The following KCNH5 variants were observed in gnomAD, a reference collection of about 807,000 sequenced individuals.
KCNH5 encodes the protein potassium voltage-gated channel subfamily H member 5, also known as voltage-gated delayed rectifier potassium channel KCNH5.
KCNH5 carries 46 observed loss-of-function variants against 96.1 expected under a neutral mutation model. The observed-to-expected ratio is 0.48, with a 90% CI of 0.38 to 0.61. The LOEUF (loss-of-function observed/expected upper bound fraction) is 0.61. KCNH5 is among the 20% of genes least tolerant of loss of function. The pLI, the probability that KCNH5 is intolerant of heterozygous loss-of-function variation, is 0.00. For synonymous variants in KCNH5, 439 were observed against 449.8 expected (o/e 0.98, Z 0.30); for missense variants, 907 against 1,225.8 (o/e 0.74, Z 3.88).
intron 8 of KCNH5, among the ~76,000 whole-genome samples, chr14:62,818,832 C>T (rs189682550): frequency 1.8e-4 from 27 of 152,174 alleles, no homozygotes; most frequent in Admixed American, 1.4e-3. Flanking sequence ...CTATACACAC[C>T]GTATGATTCC....
At chr14:63,030,823 C>T (rs8018212) in intron 1 of KCNH5, among the ~76,000 whole-genome samples, 43,310 of 152,054 alleles carry the variant, frequency 0.28, 7,370 homozygotes, top group East Asian at 0.57. Flanking sequence ...ATGCTCTGAA[C>T]TGACTCCCTC....
intron 7 of KCNH5, among the ~76,000 whole-genome samples, chr14:62,934,176 G>T (rs1889633825): frequency 6.7e-6 from 1 of 148,226 alleles, no homozygotes; most frequent in South Asian, 2.1e-4. Flanking sequence ...CTGTCACCCA[G>T]GCTGGAGTGC....
chr14:62,977,942 G>A (rs929039838), intron 6 of KCNH5, among the ~76,000 whole-genome samples: 7 of 152,212 alleles, frequency 4.6e-5, no homozygotes, highest in African/African-American at 1.7e-4. Flanking sequence ...CTTTTACACA[G>A]TAAATGGATA....
At chr14:62,845,895 G>A (rs1887681649) in intron 8 of KCNH5, among the ~76,000 whole-genome samples, 1 of 152,166 alleles carries the variant, frequency 6.6e-6, no homozygotes, top group African/African-American at 2.4e-5. Flanking sequence ...TTGGTTTAAA[G>A]TAATGAGACT....
At chr14:62,952,066 A>G (rs926625417) in intron 6 of KCNH5, among the ~76,000 whole-genome samples, 1 of 152,108 alleles carries the variant, frequency 6.6e-6, no homozygotes, top group African/African-American at 2.4e-5. Context: ...ATGAAAATTT[A>G]AAAGAGAAAG....
chr14:62,995,397 T>C (rs1256227399), intron 4 of KCNH5, among the ~76,000 whole-genome samples: 1 of 152,126 alleles, frequency 6.6e-6, no homozygotes, highest in East Asian at 1.9e-4. Context: ...GAAGTATTTC[T>C]TCAAAATTTT....
At chr14:62,877,298 T>A (rs893825870) in intron 7 of KCNH5, among the ~76,000 whole-genome samples, 11 of 151,418 alleles carry the variant, frequency 7.3e-5, no homozygotes, top group African/African-American at 2.7e-4. Context: ...GGACTTCATG[T>A]CTAAAACACC....
intron 10 of KCNH5, among the ~76,000 whole-genome samples, chr14:62,761,762 A>G (rs1236373120): frequency 6.6e-6 from 1 of 152,252 alleles, no homozygotes; most frequent in East Asian, 1.9e-4. Context: ...GTATAGGAAG[A>G]GCCAAAATGG....
intron 7 of KCNH5, among the ~76,000 whole-genome samples, chr14:62,928,582 G>C (rs576863491): frequency 6.6e-6 from 1 of 152,060 alleles, no homozygotes; most frequent in South Asian, 2.1e-4. Context: ...GAGGTTTAGG[G>C]GTTTGTAAGA....
chr14:62,737,017 G>A lies in KCNH5; in HGVS notation c.2020-28562C>T, dbSNP rs141601787. 1.4e-3 allele frequency among the ~76,000 whole-genome samples: 219 copies of A among 152,002 alleles called. 1 individual carries two copies. The highest frequency in any genetic ancestry group is 4.8e-3 in the African/African-American group (200 of 41,454). On this transcript the variant is annotated intron_variant, in intron 10 of 10. Transcript: ENST00000322893. ...TTATTTCCTCTGCTCATATCCCTTG[G>A]ATATCCATAAGCCTTGCTCCTTATC... is the stretch of plus-strand genomic sequence containing the variant.
intron 4 of KCNH5, among the ~76,000 whole-genome samples, chr14:62,997,308 A>G (rs1890922886): frequency 6.7e-6 from 1 of 150,154 alleles, no homozygotes; most frequent in African/African-American, 2.5e-5. Flanking sequence ...GAGATGGTTA[A>G]TGGGTATAAG....
chr14:62,912,549 G>A (rs536059229), intron 7 of KCNH5, among the ~76,000 whole-genome samples: 8 of 152,066 alleles, frequency 5.3e-5, no homozygotes, highest in African/African-American at 1.7e-4. Flanking sequence ...TGGGATTATA[G>A]GTGCCCGCCA....
intron 7 of KCNH5, among the ~76,000 whole-genome samples, chr14:62,872,984 A>G (rs1014648826): frequency 2.0e-5 from 3 of 152,064 alleles, no homozygotes; most frequent in African/African-American, 7.2e-5. Flanking sequence ...CTCCGTTTCT[A>G]CTGGAAATAA....
At chr14:62,830,013 GTACCC>G (rs1887309740) in intron 8 of KCNH5, among the ~76,000 whole-genome samples, 1 of 152,074 alleles carries the variant, frequency 6.6e-6, no homozygotes, top group Non-Finnish European at 1.5e-5. Context: ...CTTCTGCCAG[GTACCC>G]TAAATCATCT....
intron 9 of KCNH5, among the ~76,000 whole-genome samples, chr14:62,794,339 T>C (rs1271185309): frequency 1.3e-5 from 2 of 152,030 alleles, no homozygotes; most frequent in African/African-American, 2.4e-5. Context: ...CAAACAGTTG[T>C]ACTATAATTT....
At chr14:63,003,975 C>A (rs1891079884) in intron 3 of KCNH5, among the ~76,000 whole-genome samples, 1 of 152,014 alleles carries the variant, frequency 6.6e-6, no homozygotes, top group East Asian at 1.9e-4. Context: ...GTAGAAACAG[C>A]CCCCTGCTAA....
intron 1 of KCNH5, among the ~76,000 whole-genome samples, chr14:63,018,562 T>C (rs1891369702): frequency 6.6e-6 from 1 of 151,810 alleles, no homozygotes. Context: ...CCTCAAGCCT[T>C]CCATCTAAAC....
At chr14:62,975,125 AT>A (rs1411693184) in intron 6 of KCNH5, among the ~76,000 whole-genome samples, 2 of 152,174 alleles carry the variant, frequency 1.3e-5, no homozygotes, top group Non-Finnish European at 2.9e-5. Flanking sequence ...CAAAACAAAC[AT>A]GTCCTAGACA....
At chr14:62,908,339 G>C (rs1401132654) in intron 7 of KCNH5, among the ~76,000 whole-genome samples, 1 of 152,048 alleles carries the variant, frequency 6.6e-6, no homozygotes, top group Admixed American at 6.5e-5. Context: ...CATGACAGAC[G>C]GATACGTCTG....
Sources: gnomAD v4.1 joint callset for allele counts (sites outside exome capture counted in the v4.1 genomes callset) on GRCh38, gnomAD v4.1.1 for gene constraint, MANE v1.5 for transcripts, NCBI Gene and HGNC (gene_info 2026-07-23, HGNC 2026-07-21) for gene names.